Variants in IDH2 observed in about 807,000 individuals in gnomAD.
The protein encoded by IDH2 is isocitrate dehydrogenase (NADP(+)) 2.
Under a neutral mutation model 50.5 loss-of-function variants are expected in IDH2, and 18 were observed. The ratio of observed to expected loss-of-function variants is 0.36; its 90% confidence interval spans 0.25 to 0.53. The LOEUF is 0.53. Among genes scored for constraint, IDH2 ranks in the 20% least tolerant of loss-of-function variants. The pLI is 0.92. For missense variants in IDH2, 518 were observed against 610.7 expected (o/e 0.85, Z 1.60); for synonymous variants, 280 against 239.8 (o/e 1.17, Z -1.55).
Position 90,090,346 on chromosome 15 carries a change from C to T in IDH2, c.373+133G>A. The T allele has an allele frequency of 4.1e-6, 4 of 972,940 alleles. No homozygotes were observed. The South Asian group carries it at 5.9e-5, about 14-fold the overall frequency. 60.3% of individuals were successfully genotyped at this position (972,940 alleles called of 1,614,324 possible). ...CAGGTGCAGTTGGCCTCAGGAAAGC[C>T]CCAGCTCTGGAGCCTCCCAACCTCC... On this transcript the variant is annotated intron_variant, in intron 3 of 10. Coordinates refer to ENST00000330062, the MANE Select transcript of IDH2 (RefSeq NM_002168.4).
intron 1 of IDH2, among the ~76,000 whole-genome samples, chr15:90,097,780 A>G (rs1387127436): frequency 1.3e-5 from 2 of 152,208 alleles, no homozygotes; most frequent in African/African-American, 2.4e-5. Context: ...TGTACTTAAC[A>G]ATACTGTACA....
rs1408013545 is a variant in IDH2, at chr15:90,098,544, A to ATGCATGTATGTATGTATGTG, written c.115+3731_115+3732insCACATACATACATACATGCA. On this transcript the variant is annotated intron_variant, in intron 1 of 10. Transcript: ENST00000330062. The surrounding 1 kb of genome is among the most constrained non-coding windows in gnomAD (Gnocchi z 5.1). ...TATGTATGCATGCATGTATGTATGT[A>ATGCATGTATGTATGTATGTG]TGTATGTATGTATGTATTGAGACAG... is the stretch of plus-strand genomic sequence containing the variant. 1.3e-5 allele frequency among the ~76,000 whole-genome samples: 2 copies of ATGCATGTATGTATGTATGTG among 150,776 alleles called. No individual in the cohort carries two copies. Among genetic ancestry groups the ATGCATGTATGTATGTATGTG allele is most frequent in the African/African-American group, 2.4e-5 (1 of 41,114 alleles).
rs958250952 is a variant in IDH2, at chr15:90,102,417, G to A, written c.-27C>T. 9 of 1,238,662 alleles carry A rather than the reference G, an allele frequency of 7.3e-6. No homozygotes were observed. The highest frequency in any genetic ancestry group is 3.1e-5 in the African/African-American group (2 of 64,144). 76.7% of individuals were successfully genotyped at this position (1,238,662 alleles called of 1,614,324 possible). ...CCAAGCTGGAGAGCGAACGAGCAGG[G>A]CGGGAGAGGTCCGAGCGCGCGCCGC... is the stretch of plus-strand genomic sequence containing the variant. On this transcript the variant is annotated 5_prime_UTR_variant, in exon 1 of 11. Coordinates refer to ENST00000330062, the MANE Select transcript of IDH2 (RefSeq NM_002168.4).
Position 90,102,465 on chromosome 15 carries a change from G to A in IDH2, c.-75C>T. The A allele has an allele frequency of 3.6e-6, 3 of 826,088 alleles. No individual in the cohort carries two copies. The highest frequency in any genetic ancestry group is 3.2e-6 in the Non-Finnish European group (2 of 630,036). 51.2% of individuals were successfully genotyped at this position (826,088 alleles called of 1,614,324 possible). A position where few individuals can be genotyped will look rare whatever the true frequency, so the allele number is the denominator to read the frequency against. ...CGCTCCTCCCGGCTGCCTGGCCGCG[G>A]GCTAACGCTGGGCCTGGCGGGCGCT... On this transcript the variant is annotated 5_prime_UTR_variant, in exon 1 of 11. Coordinates refer to ENST00000330062, the MANE Select transcript of IDH2 (RefSeq NM_002168.4).
At position 90,084,385 on chromosome 15, in the gene IDH2, G is replaced by A. The variant is rs1461064231; in HGVS notation, c.1272-32C>T. 3.1e-6 allele frequency: 5 copies of A among 1,595,414 alleles called. No homozygotes were observed. Among genetic ancestry groups the A allele is most frequent in the African/African-American group, 2.7e-5 (2 of 74,508 alleles). On this transcript the variant is annotated intron_variant, in intron 10 of 10. Transcript: ENST00000330062. This position sits in a 1 kb window ranked among gnomAD's most constrained non-coding sequence, Gnocchi z 5.0. Reference sequence around the variant, plus strand: ...AGAGAGCACCACTCACATCAGGGGTGGCTCCAGGCCTTGCCAAGGCCATCA... The same window carrying A: ...AGAGAGCACCACTCACATCAGGGGTAGCTCCAGGCCTTGCCAAGGCCATCA...
At position 90,085,916 on chromosome 15, in the gene IDH2, C is replaced by G. The variant is rs1386033541; in HGVS notation, c.968-529G>C. On this transcript the variant is annotated intron_variant, in intron 7 of 10. Coordinates refer to ENST00000330062, the MANE Select transcript of IDH2 (RefSeq NM_002168.4). The surrounding 1 kb of genome is among the most constrained non-coding windows in gnomAD (Gnocchi z 5.5). ...CAAGGACTCCAGGGCTTCAAAGGCA[C>G]CCCCATGACACCAAAATAAGGATTG... Among the ~76,000 whole-genome samples, 2 of 152,214 alleles carry G rather than the reference C, an allele frequency of 1.3e-5. No individual in the cohort carries two copies. The highest frequency in any genetic ancestry group is 2.9e-5 in the Non-Finnish European group (2 of 68,040).
rs114084065 is a variant in IDH2 at position 90,094,548 on chromosome 15, C to G, written c.116-2904G>C. ...AGTCCTTAGAGAGGTGGTGATGTGT[C>G]TTCAGCTCCACTCTAGATTAGACAC... is the stretch of plus-strand genomic sequence containing the variant. On this transcript the variant is annotated intron_variant, in intron 1 of 10. Coordinates refer to ENST00000330062, the MANE Select transcript of IDH2 (RefSeq NM_002168.4). 9.1e-3 allele frequency among the ~76,000 whole-genome samples: 1,392 copies of G among 152,334 alleles called. 14 individuals are homozygous for G. Among genetic ancestry groups the G allele is most frequent in the African/African-American group, 0.032 (1,315 of 41,578 alleles).
chr15:90,084,880 C>T lies in IDH2; in HGVS notation c.1207G>A (p.Val403Met), dbSNP rs756680721. 14 of 1,614,104 alleles carry T rather than the reference C, an allele frequency of 8.7e-6. No individual in the cohort carries two copies. The highest frequency in any genetic ancestry group is 1.3e-5 in the African/African-American group (1 of 75,018). Residue 403 changes from valine (V) to methionine (M), a missense_variant, in exon 10 of 11, where the codon GTG (valine) becomes ATG (methionine). Coordinates refer to ENST00000330062, the MANE Select transcript of IDH2 (RefSeq NM_002168.4). The surrounding 1 kb of genome is among the most constrained non-coding windows in gnomAD (Gnocchi z 5.0). ...ATGGCTCCACTCTCCACCGTCTCCA[C>T]GCACACCTTCTCCAGCATCTGGGCA... ...RFAQMLEKVC[V>M]ETVESGAMTK... is the part of the protein sequence containing the mutation.
chr15:90,102,276 A>C lies in IDH2; in HGVS notation c.115T>G (p.Tyr39Asp). 7.9e-7 allele frequency: 1 copy of C among 1,268,762 alleles called. No homozygotes were observed. The highest frequency in any genetic ancestry group is 1.0e-6 in the Non-Finnish European group (1 of 993,820). 78.6% of individuals were successfully genotyped at this position (1,268,762 alleles called of 1,614,324 possible). A position where few individuals can be genotyped will look rare whatever the true frequency, so the allele number is the denominator to read the frequency against. Residue 39 changes from tyrosine (Y) to aspartate (D), a missense_variant and splice_region_variant, in exon 1 of 11, where the codon TAT becomes GAT. Physicochemically the swap from Tyr to Asp is radical, Grantham distance 160 (BLOSUM62 -3). Transcript: ENST00000330062. ...PTSQEQPRRH[Y>D]ADKRIKVAKP... ...CCTGGACCCTCCGCGCGGCACTCAC[A>C]GTGGCGCCGCGGCTGCTCTTGCGAG...
chr15:90,084,821 G>C lies in IDH2; in HGVS notation c.1266C>G (p.Leu422=). The part of the protein sequence containing the change: ...TKDLAGCIHG[L]SNVKLNEHFL... ...TACCACCCCAGGCCACGCACTTGCT[G>C]AGGCCGTGAATGCAGCCCGCCAGGT... Residue 422 remains leucine (L), a synonymous_variant, in exon 10 of 11, where the codon CTC becomes CTG. Transcript: ENST00000330062. The surrounding 1 kb of genome is among the most constrained non-coding windows in gnomAD (Gnocchi z 5.0). 1 of 1,613,458 alleles carries C rather than the reference G, an allele frequency of 6.2e-7. No individual in the cohort carries two copies. The highest frequency in any genetic ancestry group is 1.1e-5 in the South Asian group (1 of 91,084).
chr15:90,088,010 C>G (rs1174537790), intron 5 of IDH2, among the ~76,000 whole-genome samples: 2 of 152,046 alleles, frequency 1.3e-5, no homozygotes, highest in Non-Finnish European at 2.9e-5. Flanking sequence ...GGAGCTGGAA[C>G]TGGGGATAAA....
rs1900938090 is a variant in IDH2, at chr15:90,088,577, C to T, written c.534+10G>A. ...CCAGGTCAGTGGATCCCCTCTCCAC[C>T]CTGGCCTACCTGGTCGCCATGGGCG... On this transcript the variant is annotated intron_variant, in intron 4 of 10. Transcript: ENST00000330062. 6.2e-7 allele frequency: 1 copy of T among 1,614,208 alleles called. No homozygotes were observed. The highest frequency in any genetic ancestry group is 8.5e-7 in the Non-Finnish European group (1 of 1,180,036).
Position 90,088,542 on chromosome 15 carries a change from C to T in IDH2, c.535-40G>A, listed in dbSNP as rs142033117. 8,408 of 1,614,174 alleles carry T rather than the reference C, an allele frequency of 5.2e-3. 40 individuals are homozygous for T. The highest frequency in any genetic ancestry group is 0.013 in the Middle Eastern group (76 of 6,062). ...GGATGGCTAGGCGAGGAGCTCCAGT[C>T]GGGGGGTGCCCAGGTCAGTGGATCC... On this transcript the variant is annotated intron_variant, in intron 4 of 10. Transcript: ENST00000330062.
chr15:90,088,376 T>C lies in IDH2; in HGVS notation c.661A>G (p.Met221Val). The C allele has an allele frequency of 1.9e-6, 3 of 1,613,940 alleles. No individual in the cohort carries two copies. The highest frequency in any genetic ancestry group is 2.2e-5 in the East Asian group (1 of 44,878). The change falls in exon 5 of 11, where the codon ATG becomes GTG. Residue 221 changes from methionine to valine, a missense_variant. By Grantham distance (21) the Met-to-Val change is conservative. Around this residue, in one of 5 missense-constraint regions of IDH2, gnomAD observed 207 missense variants for 208.6 expected, o/e 0.99. Transcript: ENST00000330062. ...NFPAGGVGMG[M>V]YNTDESISGF... The stretch of plus-strand genomic sequence containing the variant: ...AGCCTCACCTCGTCGGTGTTGTACA[T>C]GCCCATGCCCACGCCGCCTGCGGGG...
At chr15:90,087,629 G>GCAACCTC in intron 5 of IDH2, 54 bp from the exon 6 acceptor site, 1 of 1,608,666 alleles carries the variant, frequency 6.2e-7, no homozygotes, top group Admixed American at 1.7e-5. Flanking sequence ...GCGATTGCCG[G>GCAACCTC]CAACCTCCCA....
intron 1 of IDH2, among the ~76,000 whole-genome samples, chr15:90,096,685 C>T (rs951497774): frequency 6.6e-6 from 1 of 152,196 alleles, no homozygotes; most frequent in Middle Eastern, 3.4e-3. Flanking sequence ...AAGGCTGAGG[C>T]GGGTGGATCA....
In IDH2 at chr15:90,088,465, G is replaced by A; in HGVS notation, c.572C>T (p.Thr191Ile). 1 of 1,614,192 alleles carries A rather than the reference G, an allele frequency of 6.2e-7. No homozygotes were observed. Among genetic ancestry groups the A allele is most frequent in the Non-Finnish European group, 8.5e-7 (1 of 1,180,030 alleles). Residue 191 changes from threonine to isoleucine, a missense_variant, in exon 5 of 11, where the codon ACT (threonine) becomes ATT (isoleucine). Transcript: ENST00000330062. The stretch of plus-strand genomic sequence containing the variant: ...TTTTGGGGTGAAGACCATTTTGAAA[G>A]TGCCGGCCCGGTCTGCCACAAAGTC... ...ATDFVADRAG[T>I]FKMVFTPKDG...
intron 1 of IDH2, among the ~76,000 whole-genome samples, chr15:90,094,181 A>G (rs1411762802): frequency 6.6e-6 from 1 of 152,144 alleles, no homozygotes; most frequent in Non-Finnish European, 1.5e-5. Context: ...GGTAGGGGGC[A>G]GGGGACGCTA....
chr15:90,088,361 C>CGTCG lies in IDH2; in HGVS notation c.672_675dup (p.Glu226ArgfsTer47). ...CAGGATGCCCAAGCCAGCCTCACCT[C>CGTCG]GTCGGTGTTGTACATGCCCATGCCC... On this transcript the variant is annotated frameshift_variant, in exon 5 of 11. Transcript: ENST00000330062. LOFTEE classifies it high-confidence loss of function. 1 of 1,613,480 alleles carries CGTCG rather than the reference C, an allele frequency of 6.2e-7. No individual in the cohort carries two copies. The highest frequency in any genetic ancestry group is 8.5e-7 in the Non-Finnish European group (1 of 1,180,038).
Sources: allele counts gnomAD v4.1 joint callset (sites outside exome capture counted in the v4.1 genomes callset), GRCh38; gene constraint gnomAD v4.1.1; regional missense constraint gnomAD v4.1.1; non-coding constraint Gnocchi (gnomAD v3.1); transcripts MANE v1.5; gene names NCBI Gene and HGNC (gene_info 2026-07-23, HGNC 2026-07-21).